BABAM2: variants seen among roughly 807,000 people sequenced by gnomAD.
The protein encoded by BABAM2 is BRISC and BRCA1 A complex member 2.
BABAM2 carries 31 observed loss-of-function variants against 54.7 expected under a neutral mutation model. The observed-to-expected ratio is 0.57, with a 90% CI of 0.43 to 0.77. The LOEUF is 0.77. Among genes scored for constraint, BABAM2 ranks in the 30% least tolerant of loss-of-function variants. The pLI is 0.00. For synonymous variants in BABAM2, 167 were observed against 162.9 expected (o/e 1.03, Z -0.19); for missense variants, 364 against 455.8 (o/e 0.80, Z 1.83).
At chr2:28,114,864 T>C (rs1443600603) in intron 6 of BABAM2, among the ~76,000 whole-genome samples, 2 of 152,182 alleles carry the variant, frequency 1.3e-5, no homozygotes, top group East Asian at 3.9e-4. Context: ...CTGATTTACA[T>C]TGGAAAGTCA....
chr2:27,903,413 AC>A (rs1665955152), intron 2 of BABAM2, among the ~76,000 whole-genome samples: 1 of 152,202 alleles, frequency 6.6e-6, no homozygotes, highest in Non-Finnish European at 1.5e-5. Flanking sequence ...TAGGAAACAT[AC>A]CATAATTTAG....
intron 7 of BABAM2, among the ~76,000 whole-genome samples, chr2:28,212,088 C>T (rs1679518224): frequency 6.6e-6 from 1 of 152,086 alleles, no homozygotes; most frequent in Non-Finnish European, 1.5e-5. Flanking sequence ...AGCAGAATGT[C>T]CTATATTCTA....
At chr2:28,282,338 C>T (rs767402202) in intron 10 of BABAM2, among the ~76,000 whole-genome samples, 6 of 152,162 alleles carry the variant, frequency 3.9e-5, no homozygotes, top group African/African-American at 7.2e-5. Context: ...TGGTCCAAAA[C>T]GACTGTGTTT....
At chr2:28,119,531 A>G (rs578087697) in intron 6 of BABAM2, among the ~76,000 whole-genome samples, 1 of 152,288 alleles carries the variant, frequency 6.6e-6, no homozygotes, top group Non-Finnish European at 1.5e-5. Context: ...GGCCAACAAA[A>G]TCTTGATCAT....
intron 5 of BABAM2, among the ~76,000 whole-genome samples, chr2:28,040,959 G>C (rs542318968): frequency 6.6e-6 from 1 of 152,294 alleles, no homozygotes; most frequent in African/African-American, 2.4e-5. Context: ...GATCATCTAA[G>C]AGTTTTTAAA....
At chr2:27,975,205 T>C (rs1421835924) in intron 3 of BABAM2, among the ~76,000 whole-genome samples, 1 of 152,066 alleles carries the variant, frequency 6.6e-6, no homozygotes, top group Non-Finnish European at 1.5e-5. Context: ...TTTAGTGTAA[T>C]CCCCATCAAA....
At chr2:28,163,860 G>C (rs984061001) in intron 7 of BABAM2, among the ~76,000 whole-genome samples, 3 of 152,148 alleles carry the variant, frequency 2.0e-5, no homozygotes, top group Non-Finnish European at 4.4e-5. Flanking sequence ...ACCCCTTGTG[G>C]GTGTTTTCCT....
intron 3 of BABAM2, among the ~76,000 whole-genome samples, chr2:27,972,773 C>CTTT (rs11383917): frequency 2.9e-5 from 4 of 138,412 alleles, no homozygotes; most frequent in Non-Finnish European, 4.6e-5. Flanking sequence ...TAATTATTAG[C>CTTT]TTTTTTTTTT....
intron 7 of BABAM2, among the ~76,000 whole-genome samples, chr2:28,228,500 A>G (rs1681085994): frequency 6.6e-6 from 1 of 152,186 alleles, no homozygotes; most frequent in African/African-American, 2.4e-5. Flanking sequence ...ATCTGTACCT[A>G]TTTAAGAGCA....
chr2:27,919,977 G>C (rs1667232063), intron 2 of BABAM2, among the ~76,000 whole-genome samples: 1 of 152,112 alleles, frequency 6.6e-6, no homozygotes. Flanking sequence ...ATTCTGGGCT[G>C]AGTCACTTAT....
At chr2:28,335,442 T>C (rs989291785) in intron 11 of BABAM2, among the ~76,000 whole-genome samples, 1 of 152,196 alleles carries the variant, frequency 6.6e-6, no homozygotes, top group African/African-American at 2.4e-5. Context: ...AGTGCTGGGA[T>C]TACAGGCATG....
chr2:27,905,631 T>A lies in BABAM2; in HGVS notation c.128+10947T>A, dbSNP rs865986394. ...TTTCACTGTGTTATTGTTGTCACATTGTTATTTTAGAATCAGGGAGTCTAT... is the reference window on the plus strand; with the variant it reads ...TTTCACTGTGTTATTGTTGTCACATAGTTATTTTAGAATCAGGGAGTCTAT... On this transcript the variant is annotated intron_variant, in intron 2 of 11. Coordinates refer to ENST00000379624, the MANE Select transcript of BABAM2 (RefSeq NM_199191.3). Among the ~76,000 whole-genome samples, 8 of 152,334 alleles carry A rather than the reference T, an allele frequency of 5.3e-5. 1 individual carries two copies. The South Asian group carries it at 1.0e-3, about 20-fold the overall frequency.
chr2:27,899,469 T>C (rs1665603161), intron 2 of BABAM2, among the ~76,000 whole-genome samples: 1 of 124,250 alleles, frequency 8.0e-6, no homozygotes, highest in African/African-American at 2.8e-5. Flanking sequence ...AATCCACTAG[T>C]CCTAGTGTTT....
At chr2:28,068,024 T>C (rs1003031702) in intron 6 of BABAM2, among the ~76,000 whole-genome samples, 3 of 151,764 alleles carry the variant, frequency 2.0e-5, no homozygotes, top group Non-Finnish European at 4.4e-5. Context: ...ATTATTTGAG[T>C]GGACCTCGCT....
At chr2:28,310,878 C>A (rs145183190) in intron 11 of BABAM2, among the ~76,000 whole-genome samples, 19 of 148,650 alleles carry the variant, frequency 1.3e-4, no homozygotes, top group Admixed American at 1.1e-3. Flanking sequence ...AGCAAGACCC[C>A]GTCTCAAAAA....
intron 10 of BABAM2, among the ~76,000 whole-genome samples, chr2:28,282,498 A>G (rs966853624): frequency 6.6e-6 from 1 of 152,138 alleles, no homozygotes; most frequent in Non-Finnish European, 1.5e-5. Flanking sequence ...TCACATTTAT[A>G]GCACTTGTAG....
At chr2:28,238,690 A>G (rs1279958463) in intron 8 of BABAM2, among the ~76,000 whole-genome samples, 1 of 152,170 alleles carries the variant, frequency 6.6e-6, no homozygotes, top group Non-Finnish European at 1.5e-5. Flanking sequence ...GGAGGACAGA[A>G]TTCTTATTTA....
At chr2:28,086,274 G>T (rs1408353759) in intron 6 of BABAM2, among the ~76,000 whole-genome samples, 2 of 152,116 alleles carry the variant, frequency 1.3e-5, no homozygotes, top group African/African-American at 2.4e-5. Flanking sequence ...CAACTTCCAA[G>T]TACAGAGAAA....
intron 6 of BABAM2, among the ~76,000 whole-genome samples, chr2:28,128,597 T>A (rs1193085825): frequency 6.6e-6 from 1 of 152,232 alleles, no homozygotes; most frequent in African/African-American, 2.4e-5. Context: ...AGTTTAGTTT[T>A]ATCATTATCA....
Sources: allele counts gnomAD v4.1 joint callset (sites outside exome capture counted in the v4.1 genomes callset), GRCh38; gene constraint gnomAD v4.1.1; transcripts MANE v1.5; gene names NCBI Gene and HGNC (gene_info 2026-07-23, HGNC 2026-07-21).